Variants in PRR13 observed in about 807,000 individuals in gnomAD.
The protein encoded by PRR13 is proline-rich protein 13.
Under a neutral mutation model 11.5 loss-of-function variants are expected in PRR13, and 7 were observed. That is an observed-to-expected ratio of 0.61 (90% CI 0.34 to 1.14). PRR13 has a LOEUF of 1.14. PRR13 is among the 50% of genes most tolerant of loss of function. The probability of loss-of-function intolerance (pLI) is 0.03; values close to 1 mark genes in which losing one functional copy is unlikely to be tolerated. For synonymous variants in PRR13, 53 were observed against 67.8 expected, an observed-to-expected ratio of 0.78 and a Z score of 1.07; for missense variants, 155 against 194.4, an observed-to-expected ratio of 0.80 and a Z score of 1.21.
Position 53,441,734 on chromosome 12 carries a change from G to A in PRR13, c.-79G>A, listed in dbSNP as rs1940294665. On this transcript the variant is annotated 5_prime_UTR_variant, in exon 1 of 4. Transcript: ENST00000429243. ...GGGTGCCGAAGCACGGGGTCTGGGTGACTAGGAAGAGCCGAGACTGCGAAG... is the reference window on the plus strand; with the variant it reads ...GGGTGCCGAAGCACGGGGTCTGGGTAACTAGGAAGAGCCGAGACTGCGAAG... The A allele has an allele frequency of 2.9e-6, 2 of 700,274 alleles. No homozygotes were observed. Among genetic ancestry groups the A allele is most frequent in the South Asian group, 1.5e-5 (1 of 67,436 alleles). 43.4% of individuals were successfully genotyped at this position (700,274 alleles called of 1,614,324 possible). A position where few individuals can be genotyped will look rare whatever the true frequency, so the allele number is the denominator to read the frequency against.
In PRR13 at chr12:53,446,164, C is replaced by CCCTA. The variant is rs1351651614; in HGVS notation, c.*109_*112dup. The CCCTA allele has an allele frequency of 6.3e-7, 1 of 1,580,980 alleles. No individual in the cohort carries two copies. The highest frequency in any genetic ancestry group is 8.6e-7 in the Non-Finnish European group (1 of 1,165,704). ...GAATGTAGCCCTTGTGCTCCCCACC[C>CCCTA]CCTACCTCCACCTGAGCCTCACCCT... On this transcript the variant is annotated 3_prime_UTR_variant, in exon 4 of 4. Transcript: ENST00000429243.
intron 3 of PRR13, among the ~76,000 whole-genome samples, chr12:53,445,615 A>G (rs772929170): frequency 6.6e-5 from 10 of 152,180 alleles, no homozygotes; most frequent in Non-Finnish European, 1.2e-4. Context: ...GTAGAATCCA[A>G]TTTCTTAAAA....
At chr12:53,443,997 G>C in intron 3 of PRR13, 1 of 595,762 alleles carries the variant, frequency 1.7e-6, no homozygotes, top group Non-Finnish European at 2.8e-6. Flanking sequence ...GTTAGGGTGA[G>C]CCTTAGAATG....
intron 1 of PRR13, 146 bp from the exon 2 acceptor site, chr12:53,442,549 G>A (rs1036110039): frequency 5.8e-6 from 4 of 693,034 alleles, no homozygotes; most frequent in Non-Finnish European, 1.0e-5. Context: ...AGCCAGAAAA[G>A]AGACATTTCT....
At position 53,442,728 on chromosome 12, in the gene PRR13, A is replaced by G. The variant is rs1194954509; in HGVS notation, c.14A>G (p.Asn5Ser). 2 of 1,610,928 alleles carry G rather than the reference A, an allele frequency of 1.2e-6. No homozygotes were observed. The highest frequency in any genetic ancestry group is 2.2e-5 in the East Asian group (1 of 44,872). The change falls in exon 2 of 4, where the codon AAT becomes AGT. Residue 5 changes from asparagine to serine, a missense_variant. Transcript: ENST00000429243. ...ACACACCTAAACATGTGGAATCCCA[A>G]TGCCGGTAGGTGTTTGGGGGTTCTG... MWNPNAGQPGPNPYP... is the reference protein window; with the variant it reads MWNPSAGQPGPNPYP...
At chr12:53,444,564 T>C (rs35984726) in intron 3 of PRR13, among the ~76,000 whole-genome samples, 12 of 152,290 alleles carry the variant, frequency 7.9e-5, no homozygotes, top group East Asian at 5.8e-4. Context: ...CTCCTGACCT[T>C]GTGATCCGCC....
intron 3 of PRR13, chr12:53,444,091 A>G (rs1940352576): frequency 2.2e-6 from 1 of 448,294 alleles, no homozygotes; most frequent in Non-Finnish European, 3.9e-6. Flanking sequence ...TATTCTAGCA[A>G]GTTGGACACG....
At chr12:53,442,793 G>T in intron 2 of PRR13, 60 bp downstream of exon 2, 1 of 1,550,744 alleles carries the variant, frequency 6.4e-7, no homozygotes, top group South Asian at 1.1e-5. Context: ...TCTATAACAG[G>T]AAGTTTCTGT....
rs753545238 is a variant in PRR13, at chr12:53,442,713, A to G, written c.-2A>G. 3 of 1,610,234 alleles carry G rather than the reference A, an allele frequency of 1.9e-6. No individual in the cohort carries two copies. The African/African-American group carries it at 4.0e-5, about 22-fold the overall frequency. On this transcript the variant is annotated 5_prime_UTR_variant, in exon 2 of 4. Coordinates refer to ENST00000429243, the MANE Select transcript of PRR13 (RefSeq NM_018457.4). ...TCCTCAGGCTGGAGGACACACCTAAACATGTGGAATCCCAATGCCGGTAGG... is the reference window on the plus strand; with the variant it reads ...TCCTCAGGCTGGAGGACACACCTAAGCATGTGGAATCCCAATGCCGGTAGG...
At chr12:53,444,046 C>T in intron 3 of PRR13, 3 of 493,432 alleles carry the variant, frequency 6.1e-6, no homozygotes, top group Non-Finnish European at 1.1e-5. Flanking sequence ...CTGCCCTACT[C>T]TCCCAGAACT....
chr12:53,443,848 G>T, intron 3 of PRR13, 75 bp downstream of exon 3: 1 of 1,487,462 alleles, frequency 6.7e-7, no homozygotes, highest in Non-Finnish European at 9.1e-7. Context: ...GTTGGGTGAG[G>T]GGGATTCACA....
intron 3 of PRR13, among the ~76,000 whole-genome samples, chr12:53,444,623 C>G (rs999223696): frequency 5.3e-5 from 8 of 152,212 alleles, no homozygotes; most frequent in African/African-American, 1.9e-4. Context: ...GCCACTGCAC[C>G]CAGCCCTAAG....
chr12:53,445,235 C>T (rs1940378116), intron 3 of PRR13, among the ~76,000 whole-genome samples: 1 of 151,560 alleles, frequency 6.6e-6, no homozygotes, highest in Admixed American at 6.6e-5. Flanking sequence ...GTAATCCCAG[C>T]TACTCTGGAG....
chr12:53,442,921 G>T, intron 2 of PRR13, 188 bp downstream of exon 2: 1 of 492,038 alleles, frequency 2.0e-6, no homozygotes. Context: ...AGTCTCTGTT[G>T]CCCAGGCTCA....
intron 3 of PRR13, chr12:53,444,130 C>T: frequency 2.5e-6 from 1 of 394,332 alleles, no homozygotes; most frequent in Non-Finnish European, 4.5e-6. Flanking sequence ...ATACCAAAGT[C>T]ATTCCTTTGA....
chr12:53,444,476 C>T (rs537237674), intron 3 of PRR13, among the ~76,000 whole-genome samples: 1 of 152,040 alleles, frequency 6.6e-6, no homozygotes, highest in Non-Finnish European at 1.5e-5. Flanking sequence ...ACTACAGGCG[C>T]CCGCCACCGC....
Position 53,446,012 on chromosome 12 carries a change from C to G in PRR13, c.403-3C>G, listed in dbSNP as rs1940392663. On this transcript the variant is annotated splice_region_variant and splice_polypyrimidine_tract_variant and intron_variant, in intron 3 of 3. Coordinates refer to ENST00000429243, the MANE Select transcript of PRR13 (RefSeq NM_018457.4). ...CTTTCCCCTTTCCCCTTTCCCCTTG[C>G]AGCATTCCTCCTCTTCCTCCTCCTC... 6.2e-7 allele frequency: 1 copy of G among 1,614,022 alleles called. No individual in the cohort carries two copies. The highest frequency in any genetic ancestry group is 1.1e-5 in the South Asian group (1 of 91,084).
At chr12:53,444,431 G>C (rs1045658672) in intron 3 of PRR13, among the ~76,000 whole-genome samples, 3 of 150,210 alleles carry the variant, frequency 2.0e-5, no homozygotes, top group Middle Eastern at 3.4e-3. Context: ...CCAGGTTCAC[G>C]CCATTCTCCT....
intron 1 of PRR13, 68 bp from the exon 2 acceptor site, chr12:53,442,627 G>T: frequency 1.4e-6 from 2 of 1,386,114 alleles, no homozygotes; most frequent in Non-Finnish European, 2.1e-6. Context: ...TTAGGGCTGG[G>T]CTCCGGTGCT....
Sources: gnomAD v4.1 joint callset for allele counts (sites outside exome capture counted in the v4.1 genomes callset) on GRCh38, gnomAD v4.1.1 for gene constraint, MANE v1.5 for transcripts, NCBI Gene and HGNC (gene_info 2026-07-23, HGNC 2026-07-21) for gene names.